Variants in NUB1 observed in about 807,000 individuals in gnomAD.
NUB1 encodes the protein NEDD8 ultimate buster 1.
NUB1 carries 41 observed loss-of-function variants against 77.1 expected under a neutral mutation model. The ratio of observed to expected loss-of-function variants is 0.53; its 90% CI spans 0.41 to 0.69. The LOEUF is 0.69. Ranked by LOEUF, NUB1 falls within the 30% of genes least tolerant of loss-of-function variation. The probability of loss-of-function intolerance (pLI) is 0.00; values close to 1 mark genes in which losing one functional copy is unlikely to be tolerated. For synonymous variants in NUB1, 257 were observed against 281.0 expected (o/e 0.91, Z 0.85); for missense variants, 643 against 743.8 (o/e 0.86, Z 1.58).
At chr7:151,364,176 A>G (rs1797526231) in intron 8 of NUB1, among the ~76,000 whole-genome samples, 1 of 150,906 alleles carries the variant, frequency 6.6e-6, no homozygotes, top group Admixed American at 6.6e-5. Flanking sequence ...TAATCCCAAC[A>G]CTATGGGAGG....
At chr7:151,344,945 A>T (rs989659261) in intron 1 of NUB1, among the ~76,000 whole-genome samples, 1 of 152,258 alleles carries the variant, frequency 6.6e-6, no homozygotes, top group South Asian at 2.1e-4. Context: ...GCTTGCAGTG[A>T]GCCGAGATCG....
Position 151,355,775 on chromosome 7 carries a change from C to T in NUB1, c.423C>T (p.Thr141=). 6.3e-7 allele frequency: 1 copy of T among 1,590,860 alleles called. No homozygotes were observed. The highest frequency in any genetic ancestry group is 1.3e-5 in the African/African-American group (1 of 74,306). ...CAGTTCTGATTTTTATAGGGAAAAC[C>T]CTTGAAGAACAAGGCGTGGCTCACA... ...INKKQLQLGK[T]LEEQGVAHNV... is the part of the protein sequence containing the mutation. The change falls in exon 6 of 15, where the codon ACC becomes ACT. Residue 141 remains threonine (T), a synonymous_variant. Coordinates refer to ENST00000568733, the MANE Select transcript of NUB1 (RefSeq NM_001243351.2).
chr7:151,369,374 G>T (rs936190929), intron 11 of NUB1, among the ~76,000 whole-genome samples: 2 of 152,168 alleles, frequency 1.3e-5, no homozygotes, highest in African/African-American at 4.8e-5. Context: ...GTTTCCTGCT[G>T]TGGTGGCAAA....
chr7:151,369,795 C>A (rs549861874), intron 11 of NUB1, among the ~76,000 whole-genome samples: 1 of 152,202 alleles, frequency 6.6e-6, no homozygotes, highest in African/African-American at 2.4e-5. Context: ...TCTCTAGAAT[C>A]TTCACATGTA....
At chr7:151,349,605 T>C (rs1290887823) in intron 3 of NUB1, among the ~76,000 whole-genome samples, 1 of 152,128 alleles carries the variant, frequency 6.6e-6, no homozygotes, top group Non-Finnish European at 1.5e-5. Context: ...CCAGTAGAGG[T>C]CAGAGGGCAG....
At position 151,360,174 on chromosome 7, in the gene NUB1, G is replaced by A. The variant is rs1281975172; in HGVS notation, c.727G>A (p.Gly243Ser). 1.2e-6 allele frequency: 2 copies of A among 1,607,144 alleles called. No individual in the cohort carries two copies. The highest frequency in any genetic ancestry group is 1.3e-5 in the African/African-American group (1 of 74,874). Residue 243 changes from glycine to serine, a missense_variant, in exon 8 of 15, where the codon GGC becomes AGC. Coordinates refer to ENST00000568733, the MANE Select transcript of NUB1 (RefSeq NM_001243351.2). The stretch of plus-strand genomic sequence containing the variant: ...GTTAGCTATGGGATATCATGAGAAG[G>A]GCAGAGCTTTCCTGAAAAGAAAAGA... The part of the protein sequence containing the change: ...LMLAMGYHEK[G>S]RAFLKRKEYG...
chr7:151,355,713 T>A, intron 5 of NUB1, 55 bp from the exon 6 acceptor site: 1 of 1,459,270 alleles, frequency 6.9e-7, no homozygotes, highest in Non-Finnish European at 9.2e-7. Flanking sequence ...AAATGGACTG[T>A]TACCTGGTAA....
chr7:151,341,817 G>A lies in NUB1; in HGVS notation c.-32G>A. 6.6e-7 allele frequency: 1 copy of A among 1,508,002 alleles called. No homozygotes were observed. The highest frequency in any genetic ancestry group is 2.7e-5 in the East Asian group (1 of 36,424). The allele number at this position is 1,508,002 out of a possible 1,614,324, so 93.4% of individuals were successfully genotyped here. ...GGCCGCTGCCGCATCCGGGCACTCTGCTGGTCGCGGCGGGAGTGGCGTGGC... is the reference window on the plus strand; with the variant it reads ...GGCCGCTGCCGCATCCGGGCACTCTACTGGTCGCGGCGGGAGTGGCGTGGC... On this transcript the variant is annotated 5_prime_UTR_variant, in exon 1 of 15. Coordinates refer to ENST00000568733, the MANE Select transcript of NUB1 (RefSeq NM_001243351.2).
At position 151,377,108 on chromosome 7, in the gene NUB1, A is replaced by G. The variant is rs1798335951; in HGVS notation, c.1731A>G (p.Glu577=). 6.3e-7 allele frequency: 1 copy of G among 1,584,258 alleles called. No homozygotes were observed. The highest frequency in any genetic ancestry group is 8.6e-7 in the Non-Finnish European group (1 of 1,164,836). ...CAGAGGCCGTCAATGAGATACTGGAAGACATTCCAGAGCATGAGGAAGACT... is the reference window on the plus strand; with the variant it reads ...CAGAGGCCGTCAATGAGATACTGGAGGACATTCCAGAGCATGAGGAAGACT... ...METEAVNEIL[E]DIPEHEEDYL... Residue 577 remains glutamate, a synonymous_variant, in exon 15 of 15, where the codon GAA becomes GAG. Transcript: ENST00000568733.
chr7:151,377,174 A>AGAG lies in NUB1; in HGVS notation c.1798_1800dup (p.Glu600dup). The AGAG allele has an allele frequency of 6.3e-7, 1 of 1,590,566 alleles. No homozygotes were observed. Among genetic ancestry groups the AGAG allele is most frequent in the South Asian group, 1.1e-5 (1 of 87,484 alleles). Reference sequence around the variant, plus strand: ...TGGAAGATGAAGAAATTATTATTGCAGAGTACCTATCCTATGTAGAAAATA... The same window carrying AGAG: ...TGGAAGATGAAGAAATTATTATTGCAGAGGAGTACCTATCCTATGTAGAAAATA... On this transcript the variant is annotated inframe_insertion, in exon 15 of 15. Coordinates refer to ENST00000568733, the MANE Select transcript of NUB1 (RefSeq NM_001243351.2).
chr7:151,347,785 A>G (rs577261149), intron 2 of NUB1, among the ~76,000 whole-genome samples: 6 of 152,304 alleles, frequency 3.9e-5, no homozygotes, highest in Non-Finnish European at 2.9e-5. Context: ...AAGTTTTCCA[A>G]CTTCACTTTT....
intron 5 of NUB1, among the ~76,000 whole-genome samples, chr7:151,353,142 T>A (rs559021658): frequency 3.3e-5 from 5 of 152,294 alleles, no homozygotes; most frequent in African/African-American, 1.2e-4. Flanking sequence ...ATGTAAGGTG[T>A]GCTGAGTGTA....
At chr7:151,376,549 G>T (rs983503519) in intron 13 of NUB1, 85 bp from the exon 14 acceptor site, 1 of 1,303,482 alleles carries the variant, frequency 7.7e-7, no homozygotes, top group Non-Finnish European at 1.0e-6. Flanking sequence ...TTAAACATGA[G>T]AGTCGGCTGT....
At chr7:151,368,706 A>T in intron 10 of NUB1, 29 bp from the exon 11 acceptor site, 1 of 1,581,124 alleles carries the variant, frequency 6.3e-7, no homozygotes, top group East Asian at 2.3e-5. Flanking sequence ...TGCCGTGGTT[A>T]CATGATTCTT....
At chr7:151,376,846 C>A in intron 14 of NUB1, 35 bp downstream of exon 14, 1 of 1,543,846 alleles carries the variant, frequency 6.5e-7, no homozygotes. Context: ...GCATTGAGAG[C>A]AAAGTGTCTT....
intron 12 of NUB1, among the ~76,000 whole-genome samples, chr7:151,375,077 G>A (rs1244319081): frequency 1.3e-5 from 2 of 151,974 alleles, no homozygotes; most frequent in African/African-American, 2.4e-5. Context: ...AGGTGTCCTC[G>A]TTTGCCCTGC....
At chr7:151,344,968 C>T (rs1254436939) in intron 1 of NUB1, among the ~76,000 whole-genome samples, 1 of 152,160 alleles carries the variant, frequency 6.6e-6, no homozygotes, top group Non-Finnish European at 1.5e-5. Flanking sequence ...CCACTGCACT[C>T]CAGCCTGGGC....
intron 12 of NUB1, among the ~76,000 whole-genome samples, chr7:151,375,321 T>C (rs1798166176): frequency 1.3e-5 from 2 of 152,158 alleles, no homozygotes; most frequent in South Asian, 4.1e-4. Context: ...GACTGATGGG[T>C]CTCAAAATAG....
chr7:151,367,489 G>A (rs1026969300), intron 9 of NUB1, among the ~76,000 whole-genome samples: 3 of 152,202 alleles, frequency 2.0e-5, no homozygotes, highest in Admixed American at 2.0e-4. Context: ...ATGAGTCACA[G>A]CTCAAGAGCT....
Sources: allele counts gnomAD v4.1 joint callset (sites outside exome capture counted in the v4.1 genomes callset), GRCh38; gene constraint gnomAD v4.1.1; transcripts MANE v1.5; gene names NCBI Gene and HGNC (gene_info 2026-07-23, HGNC 2026-07-21).